WDR70: variants seen among roughly 807,000 people sequenced by gnomAD.
WDR70 encodes the protein WD repeat domain 70, also known as WD repeat-containing protein 70.
In WDR70, 53 loss-of-function variants were observed where a neutral mutation model predicts 88.6. The observed-to-expected ratio is 0.60, with a 90% confidence interval of 0.48 to 0.75. The LOEUF (loss-of-function observed/expected upper bound fraction) is 0.75, where lower values mean the gene tolerates loss of function less well. WDR70 is among the 30% of genes least tolerant of loss of function. The probability of loss-of-function intolerance (pLI) is 0.00; values close to 1 mark genes in which losing one functional copy is unlikely to be tolerated. For synonymous variants in WDR70, 280 were observed against 270.0 expected (o/e 1.04, Z -0.36); for missense variants, 610 against 823.2 (o/e 0.74, Z 3.17).
intron 9 of WDR70, among the ~76,000 whole-genome samples, chr5:37,533,459 A>G (rs1362275183): frequency 8.4e-6 from 1 of 118,600 alleles, no homozygotes; most frequent in Non-Finnish European, 1.6e-5. Context: ...CAAAACAATC[A>G]CCACCACCAC....
intron 13 of WDR70, among the ~76,000 whole-genome samples, chr5:37,708,228 C>A (rs970069324): frequency 6.6e-6 from 1 of 150,636 alleles, no homozygotes; most frequent in East Asian, 1.9e-4. Context: ...CATTCATGTT[C>A]TCTAAAAAAG....
intron 10 of WDR70, among the ~76,000 whole-genome samples, chr5:37,669,399 T>A (rs60365832): frequency 0.012 from 231 of 18,958 alleles, 1 homozygote; most frequent in South Asian, 0.069. Context: ...TATCTTTTTT[T>A]TAAAAAAAAA....
chr5:37,644,411 A>G (rs554433888), intron 10 of WDR70, among the ~76,000 whole-genome samples: 11 of 152,176 alleles, frequency 7.2e-5, no homozygotes, highest in Non-Finnish European at 1.3e-4. Flanking sequence ...TTTTGCATCA[A>G]CATTCATCAG....
At chr5:37,603,137 G>GAA (rs577522789) in intron 9 of WDR70, among the ~76,000 whole-genome samples, 1 of 141,272 alleles carries the variant, frequency 7.1e-6, no homozygotes, top group Admixed American at 7.1e-5. Context: ...CATAGAAATA[G>GAA]AAAAAAAAAA....
At chr5:37,633,519 A>G (rs765754499) in intron 10 of WDR70, among the ~76,000 whole-genome samples, 8 of 151,774 alleles carry the variant, frequency 5.3e-5, no homozygotes, top group Non-Finnish European at 1.2e-4. Context: ...ATGATATCTT[A>G]CTATTTTAAT....
chr5:37,610,938 A>G (rs561103309), intron 10 of WDR70, among the ~76,000 whole-genome samples: 5 of 152,220 alleles, frequency 3.3e-5, no homozygotes, highest in Admixed American at 3.3e-4. Context: ...CTTACTTCCC[A>G]AAACAGTCTT....
At chr5:37,426,074 T>C (rs1364703586) in intron 5 of WDR70, among the ~76,000 whole-genome samples, 11 of 152,036 alleles carry the variant, frequency 7.2e-5, no homozygotes. Flanking sequence ...GCTCTGACAA[T>C]GAACAAGATG....
chr5:37,622,872 C>G (rs1194079602), intron 10 of WDR70, among the ~76,000 whole-genome samples: 1 of 151,956 alleles, frequency 6.6e-6, no homozygotes, highest in African/African-American at 2.4e-5. Flanking sequence ...GCACATGTAC[C>G]CTAAAACTTA....
At chr5:37,457,067 AC>A (rs1738861685) in intron 7 of WDR70, among the ~76,000 whole-genome samples, 1 of 152,138 alleles carries the variant, frequency 6.6e-6, no homozygotes, top group Non-Finnish European at 1.5e-5. Flanking sequence ...GGTGTAAATG[AC>A]CAGACTTTTT....
intron 8 of WDR70, among the ~76,000 whole-genome samples, chr5:37,488,058 G>A (rs893811356): frequency 2.1e-5 from 3 of 146,120 alleles, no homozygotes; most frequent in African/African-American, 7.5e-5. Context: ...TAACTGCTGA[G>A]TGTACTAGTC....
In WDR70 at chr5:37,472,545, A is replaced by G. The variant is rs1367936795; in HGVS notation, c.687-7289A>G. Among the ~76,000 whole-genome samples the G allele has an allele frequency of 2.0e-5, 3 of 152,064 alleles. No individual in the cohort carries two copies. The East Asian group carries it at 5.8e-4, about 29-fold the overall frequency. On this transcript the variant is annotated intron_variant, in intron 7 of 17. Transcript: ENST00000265107. ...AGTCTTGTTCTGTTGCCCAGGCTGGAGTGCAGTGGCACGATCTTGGCTCAC... is the reference window on the plus strand; with the variant it reads ...AGTCTTGTTCTGTTGCCCAGGCTGGGGTGCAGTGGCACGATCTTGGCTCAC...
intron 9 of WDR70, among the ~76,000 whole-genome samples, chr5:37,563,429 C>A (rs1253180174): frequency 6.8e-5 from 4 of 58,668 alleles, no homozygotes; most frequent in South Asian, 7.2e-4. Flanking sequence ...GGGCGGGGGG[C>A]TGACCCCCCC....
chr5:37,541,072 A>G (rs185368414), intron 9 of WDR70, among the ~76,000 whole-genome samples: 240 of 152,352 alleles, frequency 1.6e-3, no homozygotes, highest in Non-Finnish European at 2.7e-3. Flanking sequence ...ATTTTAAAAA[A>G]GAGTCTTAAC....
chr5:37,621,697 T>G (rs1161033422), intron 10 of WDR70, among the ~76,000 whole-genome samples: 2 of 152,116 alleles, frequency 1.3e-5, no homozygotes, highest in Non-Finnish European at 2.9e-5. Flanking sequence ...ACTCTGATGG[T>G]GTTTCTTTTG....
At chr5:37,500,339 T>G (rs1006951171) in intron 8 of WDR70, among the ~76,000 whole-genome samples, 1 of 152,246 alleles carries the variant, frequency 6.6e-6, no homozygotes, top group Admixed American at 6.5e-5. Context: ...ACTCATCAAT[T>G]GATGGGCATT....
At chr5:37,491,393 C>T (rs567829225) in intron 8 of WDR70, among the ~76,000 whole-genome samples, 8 of 152,316 alleles carry the variant, frequency 5.3e-5, no homozygotes, top group South Asian at 4.1e-4. Flanking sequence ...TTTCTTTTAT[C>T]AGTTCATCTA....
chr5:37,612,917 C>T (rs190892037), intron 10 of WDR70, among the ~76,000 whole-genome samples: 1 of 152,286 alleles, frequency 6.6e-6, no homozygotes, highest in East Asian at 1.9e-4. Context: ...TCAATGGTTA[C>T]ATTTCCAAAA....
At position 37,752,821 on chromosome 5, in the gene WDR70, G is replaced by T; in HGVS notation, c.*248G>T. The stretch of plus-strand genomic sequence containing the variant: ...CTTAGTCTATTACCAAGTACTTTAG[G>T]TATTTGGAAACTTTATTCAACAATT... On this transcript the variant is annotated 3_prime_UTR_variant, in exon 18 of 18. Coordinates refer to ENST00000265107, the MANE Select transcript of WDR70 (RefSeq NM_018034.4). 2.9e-6 allele frequency: 1 copy of T among 342,112 alleles called. No individual in the cohort carries two copies. The allele number at this position is 342,112 out of a possible 1,614,324, so 21.2% of individuals were successfully genotyped here. A position where few individuals can be genotyped will look rare whatever the true frequency, so the allele number is the denominator to read the frequency against.
At chr5:37,564,118 C>T (rs1388431930) in intron 9 of WDR70, among the ~76,000 whole-genome samples, 6 of 149,712 alleles carry the variant, frequency 4.0e-5, no homozygotes, top group East Asian at 4.0e-4. Context: ...ACTTCCCAGA[C>T]GGGGTGGCGG....
Sources: gnomAD v4.1 joint callset for allele counts (sites outside exome capture counted in the v4.1 genomes callset) on GRCh38, gnomAD v4.1.1 for gene constraint, MANE v1.5 for transcripts, NCBI Gene and HGNC (gene_info 2026-07-23, HGNC 2026-07-21) for gene names.